The following NUMB variants were observed in gnomAD, a reference collection of about 807,000 sequenced individuals.
NUMB encodes protein numb homolog.
NUMB carries 29 observed loss-of-function variants against 59.7 expected under a neutral mutation model. The ratio of observed to expected loss-of-function variants is 0.49; its 90% CI spans 0.36 to 0.66. NUMB has a LOEUF of 0.66. Among genes scored for constraint, NUMB ranks in the 30% least tolerant of loss-of-function variants. The pLI is 0.00. For synonymous variants in NUMB, 288 were observed against 288.2 expected, an observed-to-expected ratio of 1.00 and a Z score of 0.01; for missense variants, 723 against 822.0, an observed-to-expected ratio of 0.88 and a Z score of 1.47.
At chr14:73,377,589 G>A (rs530518032) in intron 2 of NUMB, among the ~76,000 whole-genome samples, 8 of 152,234 alleles carry the variant, frequency 5.3e-5, no homozygotes, top group Middle Eastern at 3.4e-3. Context: ...GCAGTGAGCC[G>A]AGATCATGCC....
At chr14:73,384,221 T>TATA (rs1895386434) in intron 2 of NUMB, among the ~76,000 whole-genome samples, 1 of 151,758 alleles carries the variant, frequency 6.6e-6, no homozygotes, top group South Asian at 2.1e-4. Flanking sequence ...CCTGAGTAGC[T>TATA]GGGACTATAG....
chr14:73,328,383 G>A (rs779223997), intron 4 of NUMB, among the ~76,000 whole-genome samples: 1 of 151,996 alleles, frequency 6.6e-6, no homozygotes, highest in Non-Finnish European at 1.5e-5. Flanking sequence ...ATCACCAGTT[G>A]AAGTATATCT....
At chr14:73,278,520 C>CAAAA (rs58404965) in intron 12 of NUMB, among the ~76,000 whole-genome samples, 1 of 133,286 alleles carries the variant, frequency 7.5e-6, no homozygotes, top group Non-Finnish European at 1.7e-5. Flanking sequence ...ACTCCACCTC[C>CAAAA]AAAAAAAAAA....
chr14:73,390,089 C>T, intron 2 of NUMB, among the ~76,000 whole-genome samples: 1 of 152,078 alleles, frequency 6.6e-6, no homozygotes, highest in South Asian at 2.1e-4. Flanking sequence ...ATCCAACATT[C>T]TATTTCTAGG....
chr14:73,298,764 A>T (rs913992436), intron 6 of NUMB: 7 of 152,200 alleles, frequency 4.6e-5, no homozygotes, highest in African/African-American at 1.7e-4. Context: ...ATATGAGGAC[A>T]TGGCCTTACT....
At chr14:73,307,800 T>C (rs1408300525) in intron 6 of NUMB, among the ~76,000 whole-genome samples, 1 of 148,528 alleles carries the variant, frequency 6.7e-6, no homozygotes, top group Non-Finnish European at 1.5e-5. Flanking sequence ...TGGCACGATC[T>C]TGGCTCACTG....
intron 1 of NUMB, among the ~76,000 whole-genome samples, chr14:73,441,488 G>C (rs1253513215): frequency 6.6e-6 from 1 of 151,946 alleles, no homozygotes. Flanking sequence ...GGTGAGCCAA[G>C]ATCACGCCAC....
rs1566756181 is a variant in NUMB, at chr14:73,352,499, T to C, written c.126+3127A>G. Among the ~76,000 whole-genome samples, 90 of 11,614 alleles carry C rather than the reference T, an allele frequency of 7.7e-3. 11 individuals carry two copies. The highest frequency in any genetic ancestry group is 9.7e-3 in the Non-Finnish European group (73 of 7,520). The allele number at this position is 11,614 out of a possible 152,430, so 7.6% of individuals were successfully genotyped here. A position where few individuals can be genotyped will look rare whatever the true frequency, so the allele number is the denominator to read the frequency against. ...ACACATATATATATATATATATATA[T>C]ATATATATATATATATATATATATA... is the stretch of plus-strand genomic sequence containing the variant. On this transcript the variant is annotated intron_variant, in intron 4 of 12. Transcript: ENST00000555238.
intron 2 of NUMB, among the ~76,000 whole-genome samples, chr14:73,381,620 CTA>C (rs1895249851): frequency 6.6e-6 from 1 of 152,188 alleles, no homozygotes; most frequent in Admixed American, 6.5e-5. Context: ...CCAGCTACCA[CTA>C]TAAGAAGTTC....
At chr14:73,371,600 T>C (rs1232460522) in intron 2 of NUMB, among the ~76,000 whole-genome samples, 1 of 152,148 alleles carries the variant, frequency 6.6e-6, no homozygotes, top group Non-Finnish European at 1.5e-5. Flanking sequence ...TGTGTGTTAA[T>C]TGTTACAGGG....
rs1888825304 is a variant in NUMB, at chr14:73,284,240, G to A, written c.790C>T (p.Arg264Trp). ...GCAAGCTGTTCAATTGGAGCATGCC[G>A]GCGTGGGATGGCATGAGGATTGTTC... is the stretch of plus-strand genomic sequence containing the variant. ...EMNNPHAIPR[R>W]HAPIEQLARQ... The change falls in exon 10 of 13, where the codon CGG becomes TGG. Residue 264 changes from arginine (R) to tryptophan (W), a missense_variant. Arg to Trp is a moderately radical substitution (Grantham distance 101). Transcript: ENST00000555238. The A allele has an allele frequency of 3.1e-6, 5 of 1,614,056 alleles. No individual in the cohort carries two copies. Among genetic ancestry groups the A allele is most frequent in the Non-Finnish European group, 4.2e-6 (5 of 1,180,024 alleles).
At chr14:73,364,662 C>T (rs1385053493) in intron 3 of NUMB, among the ~76,000 whole-genome samples, 1 of 152,044 alleles carries the variant, frequency 6.6e-6, no homozygotes, top group African/African-American at 2.4e-5. Context: ...GGGTCTTGCT[C>T]TGTTGTCCAG....
At chr14:73,297,162 C>G in intron 7 of NUMB, 49 bp downstream of exon 7, 1 of 1,276,722 alleles carries the variant, frequency 7.8e-7, no homozygotes. Flanking sequence ...AGTGAAACTC[C>G]ATCTCCAAAA....
intron 1 of NUMB, among the ~76,000 whole-genome samples, chr14:73,452,301 G>C (rs951564435): frequency 1.3e-5 from 2 of 152,008 alleles, no homozygotes; most frequent in Non-Finnish European, 2.9e-5. Flanking sequence ...TGGAGGTTGC[G>C]GTGAGCTAAA....
In NUMB at chr14:73,275,568, T is replaced by C. The variant is rs966923756; in HGVS notation, c.*1010A>G. 1 of 152,118 alleles carries C rather than the reference T, an allele frequency of 6.6e-6. No individual in the cohort carries two copies. Among genetic ancestry groups the C allele is most frequent in the Non-Finnish European group, 1.5e-5 (1 of 68,022 alleles). 9.4% of individuals were successfully genotyped at this position (152,118 alleles called of 1,614,324 possible). A position where few individuals can be genotyped will look rare whatever the true frequency, so the allele number is the denominator to read the frequency against. On this transcript the variant is annotated 3_prime_UTR_variant, in exon 13 of 13. Coordinates refer to ENST00000555238, the MANE Select transcript of NUMB (RefSeq NM_001005743.2). ...ATGATTATGTCATGTTACCTTAGTG[T>C]TAAAGGATTAACATAAGGAAACTGC...
intron 1 of NUMB, among the ~76,000 whole-genome samples, chr14:73,422,387 A>G (rs960774023): frequency 6.6e-6 from 1 of 152,156 alleles, no homozygotes; most frequent in African/African-American, 2.4e-5. Context: ...GCAATGATAG[A>G]GCTCAATATG....
chr14:73,417,829 G>A (rs905858268), intron 1 of NUMB, among the ~76,000 whole-genome samples: 2 of 152,136 alleles, frequency 1.3e-5, no homozygotes, highest in African/African-American at 2.4e-5. Flanking sequence ...AGTCTAGGCC[G>A]GGAGCCATGG....
chr14:73,384,951 T>C (rs1895430583), intron 2 of NUMB, among the ~76,000 whole-genome samples: 1 of 144,022 alleles, frequency 6.9e-6, no homozygotes, highest in East Asian at 2.1e-4. Context: ...TGGAGTGCAA[T>C]GGCACAATTT....
intron 5 of NUMB, among the ~76,000 whole-genome samples, chr14:73,320,925 C>T (rs1891368840): frequency 6.6e-6 from 1 of 150,552 alleles, no homozygotes; most frequent in South Asian, 2.1e-4. Flanking sequence ...AGTTTTAAAA[C>T]TAGATAGTTA....
Sources: allele counts gnomAD v4.1 joint callset (sites outside exome capture counted in the v4.1 genomes callset), GRCh38; gene constraint gnomAD v4.1.1; transcripts MANE v1.5; gene names NCBI Gene and HGNC (gene_info 2026-07-23, HGNC 2026-07-21).